USP48: variants seen among roughly 807,000 people sequenced by gnomAD.
The protein encoded by USP48 is ubiquitin specific peptidase 48.
In USP48, 43 loss-of-function variants were observed where a neutral mutation model predicts 150.7. The observed-to-expected ratio is 0.29, with a 90% confidence interval of 0.22 to 0.37. USP48 has a LOEUF of 0.37. Among genes scored for constraint, USP48 ranks in the 10% least tolerant of loss-of-function variants. The pLI, the probability that USP48 is intolerant of heterozygous loss-of-function variation, is 1.00. For synonymous variants in USP48, 396 were observed against 425.9 expected (o/e 0.93, Z 0.86); for missense variants, 813 against 1,249.6 (o/e 0.65, Z 5.27).
chr1:21,703,788 G>A (rs539862958), intron 20 of USP48, among the ~76,000 whole-genome samples, 170 bp from the exon 21 acceptor site: 2 of 152,362 alleles, frequency 1.3e-5, no homozygotes, highest in African/African-American at 4.8e-5. Context: ...CTGGGGTACA[G>A]TGGTATGAAC....
chr1:21,694,536 C>T (rs2097616195), intron 23 of USP48, among the ~76,000 whole-genome samples: 2 of 122,566 alleles, frequency 1.6e-5, no homozygotes, highest in Non-Finnish European at 3.2e-5. Flanking sequence ...CACCACTGCA[C>T]TCCAGCCTGG....
intron 1 of USP48, among the ~76,000 whole-genome samples, chr1:21,758,615 C>T (rs776676156): frequency 2.6e-5 from 4 of 151,644 alleles, no homozygotes; most frequent in Non-Finnish European, 4.4e-5. Context: ...CCGGGCGTGG[C>T]GGTGCGGGCC....
At chr1:21,768,441 G>GT (rs1185144860) in intron 1 of USP48, 1 of 152,720 alleles carries the variant, frequency 6.5e-6, no homozygotes, top group African/African-American at 2.4e-5. Context: ...AAGGACGCTG[G>GT]TGTCCTTGAC....
At chr1:21,721,860 T>A in intron 12 of USP48, 96 bp from the exon 13 acceptor site, 1 of 821,256 alleles carries the variant, frequency 1.2e-6, no homozygotes, top group South Asian at 3.0e-5. Context: ...AGACACATTC[T>A]AAACCAAAGT....
chr1:21,706,436 T>C, intron 17 of USP48, 31 bp downstream of exon 17: 1 of 1,613,172 alleles, frequency 6.2e-7, no homozygotes, highest in Non-Finnish European at 8.5e-7. Flanking sequence ...AAAGAAAAGA[T>C]GCATTCTTTC....
At chr1:21,764,439 CAA>C (rs112638976) in intron 1 of USP48, among the ~76,000 whole-genome samples, 37 of 108,414 alleles carry the variant, frequency 3.4e-4, no homozygotes, top group Non-Finnish European at 4.0e-4. Flanking sequence ...ACCCTGTCTC[CAA>C]AAAAAAAAAA....
At chr1:21,694,637 G>A (rs1339536099) in intron 23 of USP48, among the ~76,000 whole-genome samples, 3 of 119,666 alleles carry the variant, frequency 2.5e-5, no homozygotes, top group Non-Finnish European at 3.3e-5. Flanking sequence ...AGATTTATCT[G>A]CCACCAAAAA....
intron 1 of USP48, among the ~76,000 whole-genome samples, chr1:21,773,837 TTAAA>T (rs1465617006): frequency 6.6e-6 from 1 of 151,214 alleles, no homozygotes; most frequent in East Asian, 2.0e-4. Context: ...AGGAAACTGG[TTAAA>T]TAAATTATAA....
At chr1:21,715,155 A>G (rs2097700876) in intron 15 of USP48, 1 of 450,992 alleles carries the variant, frequency 2.2e-6, no homozygotes, top group Admixed American at 4.2e-5. Context: ...TAACTTGGAC[A>G]ATGACAGTCA....
chr1:21,723,866 C>CT (rs1571864790), intron 12 of USP48, 32 bp downstream of exon 12: 3 of 1,587,524 alleles, frequency 1.9e-6, no homozygotes, highest in Non-Finnish European at 2.6e-6. Context: ...ATGAGCTGCT[C>CT]TTTTTTAAAC....
chr1:21,769,442 T>A (rs1184223680), intron 1 of USP48, among the ~76,000 whole-genome samples: 6 of 150,604 alleles, frequency 4.0e-5, no homozygotes, highest in African/African-American at 1.5e-4. Flanking sequence ...TGAGGCAGGG[T>A]CTCGCTGTCA....
At position 21,705,756 on chromosome 1, in the gene USP48, A is replaced by G. The variant is rs569146134; in HGVS notation, c.2355T>C (p.Phe785=). 1.9e-6 allele frequency: 3 copies of G among 1,610,956 alleles called. No individual in the cohort carries two copies. In the African/African-American group the frequency reaches 4.0e-5, roughly 22 times the overall value. Residue 785 remains phenylalanine, a synonymous_variant, in exon 19 of 27, where the codon TTT becomes TTC. Coordinates refer to ENST00000308271, the MANE Select transcript of USP48 (RefSeq NM_032236.8). Reference sequence around the variant, plus strand: ...TAGAATCTTCTTTGGTCATGGAAGCAAATGTAAACATGAGGCCCCCGTGGG... The same window carrying G: ...TAGAATCTTCTTTGGTCATGGAAGCGAATGTAAACATGAGGCCCCCGTGGG... ...LCPHGGLMFT[F]ASMTKEDSKL... is the part of the protein sequence containing the mutation.
chr1:21,722,505 C>T (rs181640281), intron 12 of USP48, among the ~76,000 whole-genome samples: 3 of 151,032 alleles, frequency 2.0e-5, no homozygotes. Context: ...CACCACTGTA[C>T]TCCAGCTGGG....
At position 21,753,137 on chromosome 1, in the gene USP48, T is replaced by C. The variant is rs370734686; in HGVS notation, c.413-18A>G. On this transcript the variant is annotated intron_variant, in intron 3 of 26. Transcript: ENST00000308271. ...CTCATAATCTATTAAAACAAAAATATAGATTTGGGGTTTTTTAAGGTGCTA... is the reference window on the plus strand; with the variant it reads ...CTCATAATCTATTAAAACAAAAATACAGATTTGGGGTTTTTTAAGGTGCTA... 6.0e-5 allele frequency: 96 copies of C among 1,588,440 alleles called. No homozygotes were observed. The highest frequency in any genetic ancestry group is 1.5e-4 in the South Asian group (13 of 86,030).
In USP48 at chr1:21,703,620, T is replaced by C; in HGVS notation, c.2516-2A>G. ...CTTCTCTGCATTCTGGACAGAGTTC[T>C]TTGGGGGAAAAAAAAAAAGGGAAAA... On this transcript the variant is annotated splice_acceptor_variant, in intron 20 of 26. Transcript: ENST00000308271. LOFTEE classifies it high-confidence loss of function. 6.3e-7 allele frequency: 1 copy of C among 1,589,654 alleles called. No individual in the cohort carries two copies. Among genetic ancestry groups the C allele is most frequent in the Non-Finnish European group, 8.5e-7 (1 of 1,172,330 alleles).
At chr1:21,779,217 A>G (rs1044694575) in intron 1 of USP48, among the ~76,000 whole-genome samples, 2 of 152,134 alleles carry the variant, frequency 1.3e-5, no homozygotes. Flanking sequence ...TCTGTGTTAC[A>G]GAGTGAGACC....
intron 15 of USP48, among the ~76,000 whole-genome samples, chr1:21,713,064 C>T (rs571525542): frequency 1.3e-4 from 20 of 152,076 alleles, no homozygotes; most frequent in Admixed American, 3.3e-4. Flanking sequence ...CATTCCCTCC[C>T]TCCCTCCCTT....
Position 21,782,855 on chromosome 1 carries a change from A to AGATG in USP48, c.99_102dup (p.Trp35HisfsTer27). On this transcript the variant is annotated frameshift_variant, in exon 1 of 27. Transcript: ENST00000308271. LOFTEE classifies it high-confidence loss of function. ...ACGCCGCGAATGCAGGGCTCCAGCC[A>AGATG]GATGCGGTAAGCGGTCTCGATGTGC... 1 of 1,560,600 alleles carries AGATG rather than the reference A, an allele frequency of 6.4e-7. No homozygotes were observed. Among genetic ancestry groups the AGATG allele is most frequent in the Non-Finnish European group, 8.7e-7 (1 of 1,154,048 alleles).
In USP48 at chr1:21,696,562, G is replaced by A. The variant is rs529464975; in HGVS notation, c.2728-1341C>T. Among the ~76,000 whole-genome samples the A allele has an allele frequency of 7.2e-5, 11 of 152,266 alleles. No individual in the cohort carries two copies. The East Asian group carries it at 1.9e-3, about 27-fold the overall frequency. On this transcript the variant is annotated intron_variant, in intron 22 of 26. Transcript: ENST00000308271. ...CATACTGATTTGAGAGGAAAAAACT[G>A]TTCAAGACATATCTGAGTATGGGTA... is the stretch of plus-strand genomic sequence containing the variant.
Sources: allele counts gnomAD v4.1 joint callset (sites outside exome capture counted in the v4.1 genomes callset), GRCh38; gene constraint gnomAD v4.1.1; transcripts MANE v1.5; gene names NCBI Gene and HGNC (gene_info 2026-07-23, HGNC 2026-07-21).